The following PLCB4 variants were observed in gnomAD, a reference collection of about 807,000 sequenced individuals.
PLCB4 encodes the protein phospholipase C beta 4.
In PLCB4, 77 loss-of-function variants were observed where a neutral mutation model predicts 178.8. The ratio of observed to expected loss-of-function variants is 0.43; its 90% CI spans 0.36 to 0.52. The LOEUF (loss-of-function observed/expected upper bound fraction) is 0.52. PLCB4 is among the 20% of genes least tolerant of loss of function. The pLI, the probability that PLCB4 is intolerant of heterozygous loss-of-function variation, is 0.00. For missense variants in PLCB4, 1,024 were observed against 1,453.4 expected, an observed-to-expected ratio of 0.70 and a Z score of 4.80; for synonymous variants, 496 against 490.8, an observed-to-expected ratio of 1.01 and a Z score of -0.14.
intron 1 of PLCB4, among the ~76,000 whole-genome samples, chr20:9,087,540 C>T (rs2090488702): frequency 6.6e-6 from 1 of 152,170 alleles, no homozygotes; most frequent in Non-Finnish European, 1.5e-5. Flanking sequence ...TCCATTTTCC[C>T]ATCCAGTTTG....
In PLCB4 at chr20:9,408,030, A is replaced by G; in HGVS notation, c.1761A>G (p.Val587=). The G allele has an allele frequency of 1.2e-6, 2 of 1,613,704 alleles. No individual in the cohort carries two copies. Among genetic ancestry groups the G allele is most frequent in the Non-Finnish European group, 8.5e-7 (1 of 1,179,742 alleles). Residue 587 remains valine (V), a synonymous_variant, in exon 22 of 40, where the codon GTA becomes GTG. Coordinates refer to ENST00000378473, the MANE Select transcript of PLCB4 (RefSeq NM_001377142.1). ...LSTMINYAQP[V]KFQGFHVAEE... ...CAATGATCAACTACGCCCAGCCTGTAAAGTTTCAAGGTTTCCATGTGGCAG... is the reference window on the plus strand; with the variant it reads ...CAATGATCAACTACGCCCAGCCTGTGAAGTTTCAAGGTTTCCATGTGGCAG...
intron 15 of PLCB4, 84 bp downstream of exon 15, chr20:9,387,640 A>T (rs2037787799): frequency 3.1e-6 from 2 of 635,182 alleles, no homozygotes; most frequent in Admixed American, 2.9e-5. Context: ...AAAACAAATG[A>T]TTCATTTTCT....
intron 3 of PLCB4, among the ~76,000 whole-genome samples, chr20:9,306,601 G>A (rs2094770156): frequency 6.6e-6 from 1 of 152,138 alleles, no homozygotes; most frequent in African/African-American, 2.4e-5. Context: ...CTGAAGTCAG[G>A]TCCTGTTTTT....
At chr20:9,110,494 G>T (rs939321407) in intron 2 of PLCB4, among the ~76,000 whole-genome samples, 1 of 152,186 alleles carries the variant, frequency 6.6e-6, no homozygotes, top group Non-Finnish European at 1.5e-5. Flanking sequence ...CCCAAAGGCT[G>T]CTGTGTAATG....
intron 34 of PLCB4, among the ~76,000 whole-genome samples, chr20:9,458,120 C>T (rs1372759942): frequency 5.3e-5 from 8 of 151,792 alleles, no homozygotes; most frequent in Admixed American, 1.3e-4. Flanking sequence ...AAACCAACAA[C>T]AACTGTTAAA....
At chr20:9,110,466 T>C (rs1228107956) in intron 2 of PLCB4, among the ~76,000 whole-genome samples, 22 of 152,180 alleles carry the variant, frequency 1.4e-4, no homozygotes, top group Non-Finnish European at 4.4e-5. Context: ...AGATTATCTC[T>C]ACACATTTTA....
chr20:9,263,554 A>G lies in PLCB4; in HGVS notation c.-15-44246A>G, dbSNP rs1187899060. On this transcript the variant is annotated intron_variant, in intron 3 of 39. Transcript: ENST00000378473. ...CAAGATACCCTGATAATTGTAGAGC[A>G]CTGACTTTTGAGAAATGCTAATTAG... 2.0e-5 allele frequency among the ~76,000 whole-genome samples: 3 copies of G among 152,188 alleles called. No homozygotes were observed. In the East Asian group the frequency reaches 5.8e-4, roughly 29 times the overall value.
At chr20:9,308,720 A>G (rs1464104937) in intron 4 of PLCB4, among the ~76,000 whole-genome samples, 1 of 152,208 alleles carries the variant, frequency 6.6e-6, no homozygotes, top group African/African-American at 2.4e-5. Context: ...CTGTGAGCTG[A>G]CATAGCTTAA....
intron 2 of PLCB4, among the ~76,000 whole-genome samples, chr20:9,097,232 CTTT>C (rs544568591): frequency 1.2e-5 from 1 of 81,064 alleles, no homozygotes; most frequent in Non-Finnish European, 2.4e-5. Flanking sequence ...ACAGCCTGGC[CTTT>C]TTTTTTTTTT....
intron 1 of PLCB4, among the ~76,000 whole-genome samples, chr20:9,076,942 AC>A (rs1256203838): frequency 6.6e-6 from 1 of 151,208 alleles, no homozygotes; most frequent in African/African-American, 2.4e-5. Context: ...TTCCACCTAC[AC>A]CCATTCCCAG....
intron 32 of PLCB4, among the ~76,000 whole-genome samples, chr20:9,448,278 C>T (rs987372486): frequency 3.0e-4 from 46 of 152,130 alleles, no homozygotes; most frequent in African/African-American, 1.0e-3. Context: ...AGGACATCTA[C>T]AGCTCTTTTA....
At chr20:9,395,929 T>C (rs535713314) in intron 19 of PLCB4, among the ~76,000 whole-genome samples, 7 of 152,272 alleles carry the variant, frequency 4.6e-5, no homozygotes. Flanking sequence ...CTATATGTAA[T>C]CCTACCACTG....
rs573084561 is a variant in PLCB4, at chr20:9,209,824, C to T, written c.-78-7566C>T. On this transcript the variant is annotated intron_variant, in intron 2 of 39. Transcript: ENST00000378473. ...TAAAAAATACAAAAAATTAGCCGGG[C>T]GTGGTGGCGGGCGCCTGTAGTCCCA... 1.4e-4 allele frequency among the ~76,000 whole-genome samples: 21 copies of T among 151,726 alleles called. No homozygotes were observed. In the South Asian group the frequency reaches 1.7e-3, roughly 12 times the overall value.
intron 2 of PLCB4, among the ~76,000 whole-genome samples, chr20:9,114,890 T>G (rs2091725139): frequency 6.6e-6 from 1 of 152,194 alleles, no homozygotes; most frequent in Non-Finnish European, 1.5e-5. Context: ...TAAGGGCCTG[T>G]GCACAGTTCT....
At chr20:9,111,020 G>A (rs1600480207) in intron 2 of PLCB4, among the ~76,000 whole-genome samples, 1 of 152,142 alleles carries the variant, frequency 6.6e-6, no homozygotes, top group South Asian at 2.1e-4. Flanking sequence ...AAGGTGAGCT[G>A]CTAAGAATGT....
At position 9,337,167 on chromosome 20, in the gene PLCB4, T is replaced by C. The variant is rs556856040; in HGVS notation, c.126T>C (p.Asp42=). 3 of 1,610,916 alleles carry C rather than the reference T, an allele frequency of 1.9e-6. No individual in the cohort carries two copies. Among genetic ancestry groups the C allele is most frequent in the East Asian group, 2.2e-5 (1 of 44,792 alleles). ...VFEPNCLFKV[D]EFGFFLTWRS... ...AACCCAACTGCCTCTTCAAAGTGGA[T>C]GAGTTTGGCTTCTTTCTGACATGGA... Residue 42 remains aspartate (D), a synonymous_variant, in exon 5 of 40, where the codon GAT becomes GAC. Transcript: ENST00000378473.
intron 2 of PLCB4, among the ~76,000 whole-genome samples, chr20:9,108,938 G>T (rs1332374524): frequency 6.6e-6 from 1 of 151,252 alleles, no homozygotes; most frequent in Non-Finnish European, 1.5e-5. Flanking sequence ...AGAGAGAGAG[G>T]AGAAAGGGGT....
intron 3 of PLCB4, among the ~76,000 whole-genome samples, chr20:9,289,863 A>G (rs1330584467): frequency 6.6e-6 from 1 of 152,130 alleles, no homozygotes; most frequent in African/African-American, 2.4e-5. Context: ...TCAAGAGAGT[A>G]TATAACTTCA....
intron 2 of PLCB4, among the ~76,000 whole-genome samples, chr20:9,099,626 G>A (rs945844596): frequency 2.0e-5 from 3 of 151,890 alleles, no homozygotes; most frequent in Admixed American, 1.3e-4. Context: ...GTCATCACTA[G>A]GACTGCTCCA....
Sources: allele counts gnomAD v4.1 joint callset (sites outside exome capture counted in the v4.1 genomes callset), GRCh38; gene constraint gnomAD v4.1.1; transcripts MANE v1.5; gene names NCBI Gene and HGNC (gene_info 2026-07-23, HGNC 2026-07-21).